The following SDK2 variants were observed in gnomAD, a reference collection of about 807,000 sequenced individuals.
The protein encoded by SDK2 is sidekick cell adhesion molecule 2.
A neutral mutation model predicts 253.9 loss-of-function variants in SDK2; 105 were observed. The ratio of observed to expected loss-of-function variants is 0.41; its 90% CI spans 0.35 to 0.49. SDK2 has a LOEUF of 0.49. SDK2 is among the 20% of genes least tolerant of loss of function. The pLI is 0.06. For synonymous variants in SDK2, 1,249 were observed against 1,234.9 expected, an observed-to-expected ratio of 1.01 and a Z score of -0.24; for missense variants, 2,608 against 3,003.0, an observed-to-expected ratio of 0.87 and a Z score of 3.07.
intron 1 of SDK2, among the ~76,000 whole-genome samples, chr17:73,509,902 CA>C (rs71157018): frequency 7.5e-3 from 191 of 25,380 alleles, no homozygotes; most frequent in African/African-American, 0.022. Context: ...TCCATCTCTA[CA>C]AAAAAAAAAA....
At chr17:73,560,061 C>A (rs1324386390) in intron 1 of SDK2, among the ~76,000 whole-genome samples, 1 of 152,196 alleles carries the variant, frequency 6.6e-6, no homozygotes, top group Non-Finnish European at 1.5e-5. Context: ...CTTGGCCCTA[C>A]TGAGACCAGG....
intron 5 of SDK2, among the ~76,000 whole-genome samples, chr17:73,441,142 G>C (rs151045344): frequency 0.011 from 1,600 of 152,210 alleles, 13 homozygotes; most frequent in Non-Finnish European, 0.018. Context: ...TCCAAGGAGA[G>C]ACATCGCTGA....
chr17:73,504,733 T>C (rs7216604), intron 2 of SDK2, among the ~76,000 whole-genome samples: 90,989 of 151,056 alleles, frequency 0.6, 27,870 homozygotes, highest in Non-Finnish European at 0.66. Context: ...AAAAAAGTTT[T>C]CAAAAGGGGA....
At chr17:73,405,277 TA>T (rs1479578290) in intron 18 of SDK2, among the ~76,000 whole-genome samples, 1 of 129,512 alleles carries the variant, frequency 7.7e-6, no homozygotes, top group Non-Finnish European at 1.6e-5. Flanking sequence ...CCGTCTCTAC[TA>T]AAAATACAAA....
chr17:73,625,223 C>G (rs887829920), intron 1 of SDK2, among the ~76,000 whole-genome samples: 9 of 152,174 alleles, frequency 5.9e-5, no homozygotes, highest in Non-Finnish European at 8.8e-5. Flanking sequence ...CACCAGGGCG[C>G]GAGGCGGAAT....
At chr17:73,527,141 C>G (rs1254010268) in intron 1 of SDK2, among the ~76,000 whole-genome samples, 1 of 152,108 alleles carries the variant, frequency 6.6e-6, no homozygotes, top group Non-Finnish European at 1.5e-5. Flanking sequence ...ATTGGCGGGG[C>G]AGTCAGGGGA....
chr17:73,543,771 G>A lies in SDK2; in HGVS notation c.65-36174C>T, dbSNP rs115405571. On this transcript the variant is annotated intron_variant, in intron 1 of 44. Transcript: ENST00000392650. ...TAGGAGAGGCACAAGGGCCAGGCCC[G>A]CCCTCCAGGAATCCCAAGGTGCAGG... is the stretch of plus-strand genomic sequence containing the variant. Among the ~76,000 whole-genome samples, 757 of 152,344 alleles carry A rather than the reference G, an allele frequency of 5.0e-3. 8 individuals carry two copies. Among genetic ancestry groups the A allele is most frequent in the African/African-American group, 0.017 (723 of 41,594 alleles).
At chr17:73,434,925 C>T (rs376691755) in intron 9 of SDK2, among the ~76,000 whole-genome samples, 3 of 151,508 alleles carry the variant, frequency 2.0e-5, no homozygotes, top group South Asian at 2.1e-4. Flanking sequence ...CCACTGTGCC[C>T]GGCCCACAGT....
chr17:73,559,758 A>G (rs573095212), intron 1 of SDK2, among the ~76,000 whole-genome samples: 1 of 152,242 alleles, frequency 6.6e-6, no homozygotes, highest in South Asian at 2.1e-4. Flanking sequence ...CTGTCCTGCT[A>G]GAGACAAGTG....
chr17:73,590,420 CTT>C (rs1327526616), intron 1 of SDK2, among the ~76,000 whole-genome samples: 1 of 152,268 alleles, frequency 6.6e-6, no homozygotes, highest in East Asian at 1.9e-4. Flanking sequence ...TTGAAGCTGA[CTT>C]TGCTCGTTGC....
intron 43 of SDK2, 126 bp downstream of exon 43, chr17:73,350,111 T>C: frequency 1.7e-6 from 1 of 599,770 alleles, no homozygotes; most frequent in Non-Finnish European, 2.3e-6. Flanking sequence ...GCCCTGGGGC[T>C]TGAATGGTGT....
intron 1 of SDK2, among the ~76,000 whole-genome samples, chr17:73,613,274 G>A (rs1292455816): frequency 1.3e-5 from 2 of 151,918 alleles, no homozygotes; most frequent in Non-Finnish European, 2.9e-5. Context: ...GGAGCCAAGG[G>A]GCCCTCCACG....
At chr17:73,407,903 A>G (rs2063092020) in intron 18 of SDK2, among the ~76,000 whole-genome samples, 1 of 152,208 alleles carries the variant, frequency 6.6e-6, no homozygotes, top group Non-Finnish European at 1.5e-5. Flanking sequence ...AAATGATAAT[A>G]TTTGCCTATC....
chr17:73,405,466 CCATATATA>C (rs1568385565), intron 18 of SDK2, among the ~76,000 whole-genome samples: 1 of 17,310 alleles, frequency 5.8e-5, no homozygotes, highest in African/African-American at 2.4e-4. Context: ...AAACAAAAAA[CCATATATA>C]TATATATATA....
In SDK2 at chr17:73,337,776, C is replaced by T. The variant is rs1409815075; in HGVS notation, c.*811G>A. On this transcript the variant is annotated 3_prime_UTR_variant, in exon 45 of 45. Transcript: ENST00000392650. Reference sequence around the variant, plus strand: ...CTCCCCAGACTTCACCTTTCCTTGTCCATGCTCAGGAAAGTCAATTCCAGC... The same window carrying T: ...CTCCCCAGACTTCACCTTTCCTTGTTCATGCTCAGGAAAGTCAATTCCAGC... The T allele has an allele frequency of 6.6e-6, 1 of 152,316 alleles. No homozygotes were observed. The highest frequency in any genetic ancestry group is 1.5e-5 in the Non-Finnish European group (1 of 68,130). The allele number at this position is 152,316 out of a possible 1,614,324, so 9.4% of individuals were successfully genotyped here.
chr17:73,399,459 C>T (rs2063003547), intron 21 of SDK2, among the ~76,000 whole-genome samples, 170 bp from the exon 22 acceptor site: 1 of 152,142 alleles, frequency 6.6e-6, no homozygotes, highest in African/African-American at 2.4e-5. Flanking sequence ...CTGTGTCTTA[C>T]GGAGAACCAT....
At chr17:73,412,378 T>A (rs2145563167) in intron 18 of SDK2, among the ~76,000 whole-genome samples, 1 of 151,244 alleles carries the variant, frequency 6.6e-6, no homozygotes, top group Non-Finnish European at 1.5e-5. Flanking sequence ...CCTCAGGTAA[T>A]CCACCCACCT....
chr17:73,500,131 CCATCCAT>C (rs1410260489), intron 2 of SDK2, among the ~76,000 whole-genome samples: 1 of 140,176 alleles, frequency 7.1e-6, no homozygotes, highest in Non-Finnish European at 1.6e-5. Flanking sequence ...CCTCCATCCT[CCATCCAT>C]CCTCCCTCCA....
intron 4 of SDK2, among the ~76,000 whole-genome samples, chr17:73,450,702 G>T (rs1216026907): frequency 6.6e-6 from 1 of 152,156 alleles, no homozygotes; most frequent in Non-Finnish European, 1.5e-5. Context: ...TGGGTCAGTG[G>T]TTCTCAACCA....
Sources: allele counts gnomAD v4.1 joint callset (sites outside exome capture counted in the v4.1 genomes callset), GRCh38; gene constraint gnomAD v4.1.1; transcripts MANE v1.5; gene names NCBI Gene and HGNC (gene_info 2026-07-23, HGNC 2026-07-21).